Variants in VPS13B observed in about 807,000 individuals in gnomAD.
VPS13B encodes vacuolar protein sorting 13 homolog B.
Under a neutral mutation model 426.4 loss-of-function variants are expected in VPS13B, and 285 were observed. The observed-to-expected ratio is 0.67, with a 90% CI of 0.61 to 0.74. VPS13B has a LOEUF of 0.74. VPS13B is among the 30% of genes least tolerant of loss of function. The pLI, the probability that VPS13B is intolerant of heterozygous loss-of-function variation, is 0.00. For missense variants in VPS13B, 4,537 were observed against 4,782.6 expected (o/e 0.95, Z 1.51); for synonymous variants, 1,676 against 1,676.4 (o/e 1.00, Z 0.01).
In VPS13B at chr8:99,201,878, A is replaced by G. The variant is rs143375506; in HGVS notation, c.2515+8821A>G. Among the ~76,000 whole-genome samples, 1,336 of 152,324 alleles carry G rather than the reference A, an allele frequency of 8.8e-3. 9 individuals are homozygous for G. The highest frequency in any genetic ancestry group is 0.015 in the Non-Finnish European group (1,051 of 68,004). On this transcript the variant is annotated intron_variant, in intron 17 of 61. Coordinates refer to ENST00000357162, the MANE Select transcript of VPS13B (RefSeq NM_152564.5). ...GAGTGTGAAGATTTTCTCAATAACTATATATGACTAAATAAAGGTCAGTTT... is the reference window on the plus strand; with the variant it reads ...GAGTGTGAAGATTTTCTCAATAACTGTATATGACTAAATAAAGGTCAGTTT...
chr8:99,105,053 A>T (rs976721974), intron 5 of VPS13B, among the ~76,000 whole-genome samples: 1 of 152,240 alleles, frequency 6.6e-6, no homozygotes, highest in Non-Finnish European at 1.5e-5. Flanking sequence ...AGAGTATTTA[A>T]CTTGCCTGAT....
At chr8:99,313,306 C>T (rs1379136923) in intron 19 of VPS13B, among the ~76,000 whole-genome samples, 2 of 152,082 alleles carry the variant, frequency 1.3e-5, no homozygotes, top group African/African-American at 2.4e-5. Context: ...GTTTTATCTA[C>T]CTTTGGTCTT....
Position 99,520,774 on chromosome 8 carries a change from ACTTTTT to A in VPS13B, c.4634-121_4634-116del. The A allele has an allele frequency of 6.0e-6, 4 of 663,592 alleles. No homozygotes were observed. The Middle Eastern group carries it at 1.2e-3, about 192-fold the overall frequency. The allele number at this position is 663,592 out of a possible 1,614,324, so 41.1% of individuals were successfully genotyped here. ...TTTAAACATGATTTTTTTTCATTTTACTTTTTCTTATTTATTGGTCTTATCTTAATG... is the reference window on the plus strand; with the variant it reads ...TTTAAACATGATTTTTTTTCATTTTACTTATTTATTGGTCTTATCTTAATG... On this transcript the variant is annotated intron_variant, in intron 29 of 61. Coordinates refer to ENST00000357162, the MANE Select transcript of VPS13B (RefSeq NM_152564.5).
intron 20 of VPS13B, among the ~76,000 whole-genome samples, chr8:99,387,929 G>A (rs950367486): frequency 6.6e-6 from 1 of 152,092 alleles, no homozygotes; most frequent in African/African-American, 2.4e-5. Flanking sequence ...ATTCATAAAA[G>A]TAAGGAATAC....
chr8:99,088,933 A>C (rs77418050), intron 3 of VPS13B, among the ~76,000 whole-genome samples: 6,902 of 152,100 alleles, frequency 0.045, 193 homozygotes, highest in Middle Eastern at 0.082. Context: ...AGTCTTTTCA[A>C]ATCTCTTGTT....
chr8:99,273,753 A>G (rs1818738048), intron 17 of VPS13B, among the ~76,000 whole-genome samples: 1 of 151,988 alleles, frequency 6.6e-6, no homozygotes, highest in Non-Finnish European at 1.5e-5. Context: ...AGATTGCACC[A>G]CTGCACTCCA....
intron 19 of VPS13B, among the ~76,000 whole-genome samples, chr8:99,372,018 G>A (rs1275996287): frequency 2.6e-5 from 4 of 152,060 alleles, no homozygotes; most frequent in Non-Finnish European, 4.4e-5. Flanking sequence ...TTGGGAGGCC[G>A]AGGCGGGCGG....
At chr8:99,416,625 C>T (rs1327234994) in intron 21 of VPS13B, among the ~76,000 whole-genome samples, 20 of 152,170 alleles carry the variant, frequency 1.3e-4, no homozygotes, top group South Asian at 2.1e-4. Context: ...CAGAGTACAC[C>T]GTTCCTCATG....
At chr8:99,535,744 C>G (rs1221239614) in intron 30 of VPS13B, among the ~76,000 whole-genome samples, 1 of 152,100 alleles carries the variant, frequency 6.6e-6, no homozygotes, top group Admixed American at 6.5e-5. Context: ...CATTCTCATT[C>G]TAGCCTGTAT....
chr8:99,742,104 A>T (rs1809763030), intron 39 of VPS13B, among the ~76,000 whole-genome samples: 2 of 152,234 alleles, frequency 1.3e-5, no homozygotes, highest in African/African-American at 4.8e-5. Flanking sequence ...GAAAAGAGAG[A>T]AGAATCAAAT....
intron 44 of VPS13B, 52 bp downstream of exon 44, chr8:99,809,582 T>G: frequency 6.2e-7 from 1 of 1,606,752 alleles, no homozygotes; most frequent in Non-Finnish European, 8.5e-7. Context: ...TTCAGTGTAA[T>G]GGAGATGAAA....
At chr8:99,482,288 T>A (rs546978299) in intron 25 of VPS13B, among the ~76,000 whole-genome samples, 10 of 152,274 alleles carry the variant, frequency 6.6e-5, no homozygotes, top group Non-Finnish European at 7.4e-5. Flanking sequence ...TAACCTAGCA[T>A]GCCAGTACCT....
chr8:99,270,711 T>G (rs780692961), intron 17 of VPS13B, among the ~76,000 whole-genome samples: 10 of 152,196 alleles, frequency 6.6e-5, no homozygotes, highest in Non-Finnish European at 1.5e-4. Flanking sequence ...AGCTCTTGTT[T>G]GCTGACTACT....
At position 99,818,214 on chromosome 8, in the gene VPS13B, A is replaced by G. The variant is rs192472829; in HGVS notation, c.8362-237A>G. 7.9e-5 allele frequency among the ~76,000 whole-genome samples: 12 copies of G among 152,176 alleles called. No homozygotes were observed. The East Asian group carries it at 2.3e-3, about 29-fold the overall frequency. On this transcript the variant is annotated intron_variant, in intron 45 of 61. Transcript: ENST00000357162. ...CTCTTTCATTTTGCCACTTAGTCTT[A>G]TATCTCTCCTTATGCAAATCTCTTT...
At chr8:99,527,754 A>G (rs915330895) in intron 30 of VPS13B, 1 of 152,170 alleles carries the variant, frequency 6.6e-6, no homozygotes, top group African/African-American at 2.4e-5. Context: ...GGCTGATTAG[A>G]GATTATAAAC....
intron 3 of VPS13B, among the ~76,000 whole-genome samples, chr8:99,069,607 G>A (rs1226162911): frequency 6.6e-6 from 1 of 152,162 alleles, no homozygotes; most frequent in African/African-American, 2.4e-5. Flanking sequence ...ATATTTACAT[G>A]TCTAGATTTC....
intron 19 of VPS13B, among the ~76,000 whole-genome samples, chr8:99,303,730 CAAAAAAAAA>C (rs58708195): frequency 3.1e-5 from 2 of 63,714 alleles, no homozygotes; most frequent in African/African-American, 1.4e-4. Context: ...GACTCCGTCT[CAAAAAAAAA>C]AAAAAAAAAA....
chr8:99,083,668 C>G (rs1333773673), intron 3 of VPS13B, among the ~76,000 whole-genome samples: 27 of 131,994 alleles, frequency 2.0e-4, no homozygotes, highest in African/African-American at 7.3e-4. Context: ...TAGCATGAAG[C>G]GTTGTTGAAT....
intron 35 of VPS13B, among the ~76,000 whole-genome samples, chr8:99,677,207 C>T (rs1042900176): frequency 2.6e-5 from 4 of 152,224 alleles, no homozygotes; most frequent in African/African-American, 7.2e-5. Context: ...TAATCCTCTG[C>T]CCCTTCTCTC....
Sources: allele counts gnomAD v4.1 joint callset (sites outside exome capture counted in the v4.1 genomes callset), GRCh38; gene constraint gnomAD v4.1.1; transcripts MANE v1.5; gene names NCBI Gene and HGNC (gene_info 2026-07-23, HGNC 2026-07-21).